The following KLF12 variants were observed in gnomAD, a reference collection of about 807,000 sequenced individuals.
KLF12 encodes the protein Krueppel-like factor 12.
In KLF12, 9 loss-of-function variants were observed where a neutral mutation model predicts 37.8. That is an observed-to-expected ratio of 0.24 (90% confidence interval 0.14 to 0.42). The LOEUF is 0.42. Among genes scored for constraint, KLF12 ranks in the 10% least tolerant of loss-of-function variants. The probability of loss-of-function intolerance (pLI) is 1.00; values close to 1 mark genes in which losing one functional copy is unlikely to be tolerated. For missense variants in KLF12, 411 were observed against 516.0 expected, an observed-to-expected ratio of 0.80 and a Z score of 1.97; for synonymous variants, 208 against 202.1, an observed-to-expected ratio of 1.03 and a Z score of -0.25.
intron 5 of KLF12, among the ~76,000 whole-genome samples, chr13:73,771,264 AG>A (rs1482769318): frequency 1.3e-5 from 2 of 152,290 alleles, no homozygotes; most frequent in Admixed American, 1.3e-4. Context: ...CCAGGGGACA[AG>A]GGAACTTTTC....
At chr13:74,083,431 C>T (rs1875046387) in intron 1 of KLF12, among the ~76,000 whole-genome samples, 1 of 151,046 alleles carries the variant, frequency 6.6e-6, no homozygotes, top group Admixed American at 6.6e-5. Flanking sequence ...CACCTGAGCC[C>T]CAGAAGTCAA....
chr13:73,989,209 G>A (rs1414701272), intron 2 of KLF12, among the ~76,000 whole-genome samples: 1 of 152,208 alleles, frequency 6.6e-6, no homozygotes, highest in Non-Finnish European at 1.5e-5. Flanking sequence ...CCTTTAGTGA[G>A]AGTTAAAAGT....
At chr13:74,077,434 C>T (rs1429463901) in intron 1 of KLF12, among the ~76,000 whole-genome samples, 1 of 151,948 alleles carries the variant, frequency 6.6e-6, no homozygotes, top group Non-Finnish European at 1.5e-5. Context: ...AATTTTGAAA[C>T]TATAAAAGTT....
the KLF12 span, among the ~76,000 whole-genome samples, chr13:74,139,087 C>A: frequency 6.6e-6 from 1 of 152,048 alleles, no homozygotes; most frequent in Admixed American, 6.5e-5. Context: ...CTTTCTGATT[C>A]TCTATTTTTC....
chr13:74,219,938 A>C, the KLF12 span, among the ~76,000 whole-genome samples: 1 of 152,166 alleles, frequency 6.6e-6, no homozygotes, highest in Non-Finnish European at 1.5e-5. Context: ...CTTTTAAAAC[A>C]ATAATTTTAG....
chr13:73,872,518 T>C (rs900107245), intron 3 of KLF12, among the ~76,000 whole-genome samples: 5 of 152,104 alleles, frequency 3.3e-5, no homozygotes, highest in African/African-American at 7.2e-5. Flanking sequence ...GACAGTGAGA[T>C]AGAAACCCAG....
chr13:74,020,520 AC>A (rs1218780530), intron 1 of KLF12, among the ~76,000 whole-genome samples: 3 of 152,156 alleles, frequency 2.0e-5, no homozygotes, highest in Admixed American at 6.5e-5. Context: ...AACCCAAGAC[AC>A]ATGTTTTCTG....
chr13:74,068,102 C>T (rs1874021332), intron 1 of KLF12, among the ~76,000 whole-genome samples: 1 of 152,144 alleles, frequency 6.6e-6, no homozygotes, highest in African/African-American at 2.4e-5. Context: ...AGCCAAGGCA[C>T]ATTTTTAATA....
chr13:73,890,197 T>C (rs1352059951), intron 3 of KLF12, among the ~76,000 whole-genome samples: 5 of 152,112 alleles, frequency 3.3e-5, no homozygotes, highest in African/African-American at 1.2e-4. Flanking sequence ...ATTCCTTATT[T>C]TCTGCCTGAC....
chr13:74,038,753 T>A (rs1893323330), intron 1 of KLF12, among the ~76,000 whole-genome samples: 1 of 152,162 alleles, frequency 6.6e-6, no homozygotes, highest in Non-Finnish European at 1.5e-5. Flanking sequence ...GTTGACTGCT[T>A]TTGTAAGAAA....
At position 73,873,133 on chromosome 13, in the gene KLF12, T is replaced by TTA. The variant is rs369849689; in HGVS notation, c.124-26762_124-26761dup. ...AAAGCCTAAAGAAAGAATCTTTATT[T>TTA]TATATATATATATAAACAACATAAT... On this transcript the variant is annotated intron_variant, in intron 3 of 7. Transcript: ENST00000377669. Among the ~76,000 whole-genome samples, 1,378 of 151,686 alleles carry TTA rather than the reference T, an allele frequency of 9.1e-3. 72 individuals carry two copies. The highest frequency in any genetic ancestry group is 0.075 in the Admixed American group (1,144 of 15,212).
chr13:73,851,944 G>C (rs1885355053), intron 3 of KLF12, among the ~76,000 whole-genome samples: 2 of 152,012 alleles, frequency 1.3e-5, no homozygotes, highest in Admixed American at 1.3e-4. Context: ...TTGGTGCCTG[G>C]GTTTCCCTTA....
intron 1 of KLF12, among the ~76,000 whole-genome samples, chr13:73,999,994 G>A (rs949215900): frequency 2.0e-5 from 3 of 152,172 alleles, no homozygotes; most frequent in Admixed American, 6.5e-5. Flanking sequence ...TGTGACCTGG[G>A]GTAAGTTGTT....
At chr13:73,831,279 A>G (rs1157387039) in intron 4 of KLF12, among the ~76,000 whole-genome samples, 3 of 152,218 alleles carry the variant, frequency 2.0e-5, no homozygotes, top group African/African-American at 4.8e-5. Flanking sequence ...CTGTGCCCTT[A>G]TAAGTGGTAC....
chr13:73,716,020 G>T lies in KLF12; in HGVS notation c.870-495C>A, dbSNP rs146212685. Among the ~76,000 whole-genome samples the T allele has an allele frequency of 1.6e-3, 249 of 152,304 alleles. 1 individual carries two copies. Among genetic ancestry groups the T allele is most frequent in the Non-Finnish European group, 2.6e-3 (180 of 68,026 alleles). ...GGTACATTTCTAAACAAGGGAGTCA[G>T]GCTGAAAGAAATGACATCAGTAACA... On this transcript the variant is annotated intron_variant, in intron 6 of 7. Coordinates refer to ENST00000377669, the MANE Select transcript of KLF12 (RefSeq NM_007249.5).
chr13:73,846,874 G>A (rs1285070839), intron 3 of KLF12, among the ~76,000 whole-genome samples: 1 of 152,202 alleles, frequency 6.6e-6, no homozygotes, highest in East Asian at 1.9e-4. Context: ...TTTATTAAAT[G>A]GAAGTCATTT....
At chr13:74,270,167 C>T in the KLF12 span, among the ~76,000 whole-genome samples, 1 of 151,980 alleles carries the variant, frequency 6.6e-6, no homozygotes. Flanking sequence ...ATAGGAGTGT[C>T]TTTTTTTTCA....
chr13:74,054,588 C>T (rs953906232), intron 1 of KLF12, among the ~76,000 whole-genome samples: 2 of 152,210 alleles, frequency 1.3e-5, no homozygotes, highest in Admixed American at 1.3e-4. Context: ...AAAAACAACT[C>T]AAGGCTTAAT....
intron 1 of KLF12, among the ~76,000 whole-genome samples, chr13:74,042,916 G>A (rs1229888410): frequency 1.3e-5 from 2 of 152,160 alleles, no homozygotes; most frequent in Non-Finnish European, 2.9e-5. Context: ...AGGAGACACA[G>A]CAAAGTAGGA....
Sources: gnomAD v4.1 joint callset for allele counts (sites outside exome capture counted in the v4.1 genomes callset) on GRCh38, gnomAD v4.1.1 for gene constraint, MANE v1.5 for transcripts, NCBI Gene and HGNC (gene_info 2026-07-23, HGNC 2026-07-21) for gene names.